FAM135B: variants seen among roughly 807,000 people sequenced by gnomAD.
The protein encoded by FAM135B is family with sequence similarity 135 member B.
FAM135B carries 43 observed loss-of-function variants against 127.7 expected under a neutral mutation model. The observed-to-expected ratio is 0.34, with a 90% CI of 0.26 to 0.43. The LOEUF is 0.43. Among genes scored for constraint, FAM135B ranks in the 20% least tolerant of loss-of-function variants. The pLI, the probability that FAM135B is intolerant of heterozygous loss-of-function variation, is 1.00. For missense variants in FAM135B, 1,558 were observed against 1,725.6 expected (o/e 0.90, Z 1.72); for synonymous variants, 670 against 665.1 (o/e 1.01, Z -0.11).
intron 11 of FAM135B, among the ~76,000 whole-genome samples, chr8:138,174,053 C>T (rs779488588): frequency 9.2e-5 from 14 of 152,194 alleles, no homozygotes; most frequent in Non-Finnish European, 1.8e-4. Flanking sequence ...AACACACACA[C>T]TGAAGCAAAA....
chr8:138,407,750 A>T (rs1178609487), intron 1 of FAM135B, among the ~76,000 whole-genome samples: 1 of 152,186 alleles, frequency 6.6e-6, no homozygotes, highest in Non-Finnish European at 1.5e-5. Flanking sequence ...CTTATACGAA[A>T]ATTAATTCAA....
intron 1 of FAM135B, among the ~76,000 whole-genome samples, chr8:138,402,766 G>C (rs1044388362): frequency 6.6e-6 from 1 of 152,188 alleles, no homozygotes; most frequent in African/African-American, 2.4e-5. Context: ...AATAATGCAA[G>C]TTAAATTAGA....
At chr8:138,445,067 T>C in intron 1 of FAM135B, among the ~76,000 whole-genome samples, 1 of 152,112 alleles carries the variant, frequency 6.6e-6, no homozygotes, top group East Asian at 1.9e-4. Context: ...AATGGATAAA[T>C]TCCTCGACAC....
intron 9 of FAM135B, among the ~76,000 whole-genome samples, chr8:138,187,113 T>C (rs552033313): frequency 2.6e-5 from 4 of 152,336 alleles, no homozygotes; most frequent in Admixed American, 1.3e-4. Flanking sequence ...GTGACTGCAG[T>C]TAACCTTAAT....
intron 7 of FAM135B, among the ~76,000 whole-genome samples, chr8:138,222,059 T>C (rs1306949592): frequency 6.6e-6 from 1 of 151,568 alleles, no homozygotes; most frequent in East Asian, 1.9e-4. Flanking sequence ...AGAAAGAAGA[T>C]GATGTAGAGA....
chr8:138,219,317 T>C (rs953359347), intron 7 of FAM135B, among the ~76,000 whole-genome samples: 3 of 152,080 alleles, frequency 2.0e-5, no homozygotes, highest in African/African-American at 7.2e-5. Context: ...GGAGAACAGG[T>C]TGATATTTTA....
chr8:138,299,103 AT>A (rs1284063961), intron 3 of FAM135B, among the ~76,000 whole-genome samples: 27 of 149,278 alleles, frequency 1.8e-4, no homozygotes, highest in Admixed American at 6.1e-4. Flanking sequence ...AAATAAATAA[AT>A]AAATAAAATA....
chr8:138,179,369 T>C (rs112756303), intron 9 of FAM135B, among the ~76,000 whole-genome samples: 12 of 152,294 alleles, frequency 7.9e-5, no homozygotes, highest in African/African-American at 2.6e-4. Context: ...ATGTGTAAGG[T>C]AGAGTACTAG....
intron 1 of FAM135B, chr8:138,441,593 C>T (rs1835768437): frequency 1.3e-5 from 2 of 152,320 alleles, no homozygotes; most frequent in African/African-American, 2.4e-5. Context: ...TTAGTACATA[C>T]ATTCCACGAG....
intron 2 of FAM135B, among the ~76,000 whole-genome samples, chr8:138,316,190 A>T (rs1399972651): frequency 6.6e-6 from 1 of 152,276 alleles, no homozygotes. Context: ...GATATTCAAC[A>T]TCATCAGACA....
chr8:138,394,273 G>A (rs1832744227), intron 1 of FAM135B, among the ~76,000 whole-genome samples: 1 of 152,158 alleles, frequency 6.6e-6, no homozygotes. Context: ...CAGCTCCTGA[G>A]CTGAGGCTGG....
At chr8:138,426,030 C>CACACATAT (rs1563992595) in intron 1 of FAM135B, among the ~76,000 whole-genome samples, 65 of 63,100 alleles carry the variant, frequency 1.0e-3, no homozygotes, top group Middle Eastern at 6.2e-3. Flanking sequence ...CATACATATA[C>CACACATAT]ACACACACAC....
Position 138,310,825 on chromosome 8 carries a change from C to T in FAM135B, c.157+16G>A, listed in dbSNP as rs1309615353. 1 of 1,611,930 alleles carries T rather than the reference C, an allele frequency of 6.2e-7. No individual in the cohort carries two copies. The highest frequency in any genetic ancestry group is 1.1e-5 in the South Asian group (1 of 90,698). On this transcript the variant is annotated intron_variant, in intron 3 of 19. Transcript: ENST00000395297. ...GCCATTGGGGGCAAGTGCCCCATTG[C>T]CATTCTTCTGCTCACCTGTCTGCCC...
chr8:138,148,498 G>A (rs1259335059), intron 14 of FAM135B, 22 bp downstream of exon 14: 1 of 1,605,414 alleles, frequency 6.2e-7, no homozygotes, highest in Non-Finnish European at 8.5e-7. Flanking sequence ...AATTTGGGAA[G>A]AAAACTTGTT....
chr8:138,171,087 A>G (rs1439363454), intron 11 of FAM135B, among the ~76,000 whole-genome samples: 2 of 152,138 alleles, frequency 1.3e-5, no homozygotes, highest in Non-Finnish European at 2.9e-5. Context: ...CCACGCTGCC[A>G]GCTCCCTTGG....
rs979629303 is a variant in FAM135B, at chr8:138,131,690, A to C, written c.*903T>G. The C allele has an allele frequency of 6.6e-6, 1 of 152,614 alleles. No homozygotes were observed. Among genetic ancestry groups the C allele is most frequent in the Non-Finnish European group, 1.5e-5 (1 of 68,036 alleles). 9.5% of individuals were successfully genotyped at this position (152,614 alleles called of 1,614,324 possible). A position where few individuals can be genotyped will look rare whatever the true frequency, so the allele number is the denominator to read the frequency against. ...CACTTTAATGGATTTAATTTTTTGC[A>C]ATTGCATCAAATGCTAACATAGCAT... On this transcript the variant is annotated 3_prime_UTR_variant, in exon 20 of 20. Transcript: ENST00000395297.
At chr8:138,381,379 T>A (rs1377870495) in intron 1 of FAM135B, among the ~76,000 whole-genome samples, 1 of 152,092 alleles carries the variant, frequency 6.6e-6, no homozygotes, top group Non-Finnish European at 1.5e-5. Context: ...ATGTCCAATC[T>A]AGCTTTTCCA....
chr8:138,468,500 C>T (rs541219699), intron 1 of FAM135B, among the ~76,000 whole-genome samples: 1 of 152,102 alleles, frequency 6.6e-6, no homozygotes, highest in Non-Finnish European at 1.5e-5. Flanking sequence ...TTATTTGCCA[C>T]CCATCACTCT....
chr8:138,299,155 C>T (rs920304957), intron 3 of FAM135B, among the ~76,000 whole-genome samples: 6 of 151,174 alleles, frequency 4.0e-5, no homozygotes, highest in East Asian at 3.9e-4. Flanking sequence ...TTGGTGATCC[C>T]GCTTCCTAGC....
Sources: gnomAD v4.1 joint callset for allele counts (sites outside exome capture counted in the v4.1 genomes callset) on GRCh38, gnomAD v4.1.1 for gene constraint, MANE v1.5 for transcripts, NCBI Gene and HGNC (gene_info 2026-07-23, HGNC 2026-07-21) for gene names.